The following MDN1 variants were observed in gnomAD, a reference collection of about 807,000 sequenced individuals.
MDN1 encodes midasin AAA ATPase 1.
A neutral mutation model predicts 669.2 loss-of-function variants in MDN1; 266 were observed. The observed-to-expected ratio is 0.40, with a 90% CI of 0.36 to 0.44. The LOEUF is 0.44. Ranked by LOEUF, MDN1 falls within the 20% of genes least tolerant of loss-of-function variation. The pLI, the probability that MDN1 is intolerant of heterozygous loss-of-function variation, is 1.00. For synonymous variants in MDN1, 2,385 were observed against 2,457.1 expected (o/e 0.97, Z 0.87); for missense variants, 5,940 against 6,754.0 (o/e 0.88, Z 4.22).
At position 89,710,732 on chromosome 6, in the gene MDN1, G is replaced by T; in HGVS notation, c.7714C>A (p.Leu2572Ile). 1 of 1,602,828 alleles carries T rather than the reference G, an allele frequency of 6.2e-7. No individual in the cohort carries two copies. The highest frequency in any genetic ancestry group is 8.5e-7 in the Non-Finnish European group (1 of 1,175,898). The change falls in exon 50 of 102, where the codon CTC becomes ATC. Residue 2572 changes from leucine to isoleucine, a missense_variant. Physicochemically the swap from Leu to Ile is conservative, Grantham distance 5 (BLOSUM62 2). Coordinates refer to ENST00000369393, the MANE Select transcript of MDN1 (RefSeq NM_014611.3). ...AAAACATTACTGACTGCACCTGAGA[G>T]GGAATGTGAGTAAAAATTCCTGAGA... ...ASLRNFYSHS[L>I]SGAVSNVFKI... is the part of the protein sequence containing the mutation.
chr6:89,683,731 CTT>C (rs1460645307), intron 72 of MDN1, 98 bp downstream of exon 72: 1 of 869,330 alleles, frequency 1.2e-6, no homozygotes, highest in Non-Finnish European at 1.9e-6. Flanking sequence ...GTTTAACACA[CTT>C]AATATTAAGT....
rs1003296125 is a variant in MDN1, at chr6:89,712,328, A to T, written c.7431-72T>A. 4 of 1,357,094 alleles carry T rather than the reference A, an allele frequency of 2.9e-6. No individual in the cohort carries two copies. In the African/African-American group the frequency reaches 5.8e-5, roughly 20 times the overall value. 84.1% of individuals were successfully genotyped at this position (1,357,094 alleles called of 1,614,324 possible). A position where few individuals can be genotyped will look rare whatever the true frequency, so the allele number is the denominator to read the frequency against. On this transcript the variant is annotated intron_variant, in intron 48 of 101. Transcript: ENST00000369393. ...ATTTCACATTCCAAATAACTGAGAA[A>T]ACCTCTTTCACAAATATTGGATCAA...
chr6:89,793,633 C>A, intron 5 of MDN1, 129 bp downstream of exon 5: 1 of 679,250 alleles, frequency 1.5e-6, no homozygotes, highest in Non-Finnish European at 2.3e-6. Flanking sequence ...TTTTAACTTC[C>A]AAAAATGAAG....
chr6:89,744,865 G>C (rs551438319), intron 29 of MDN1, among the ~76,000 whole-genome samples: 26 of 152,036 alleles, frequency 1.7e-4, no homozygotes, highest in Non-Finnish European at 1.6e-4. Flanking sequence ...CTGGACAACA[G>C]AGTGAGACCC....
chr6:89,675,037 TG>T (rs1217472795), intron 78 of MDN1, among the ~76,000 whole-genome samples: 1 of 152,268 alleles, frequency 6.6e-6, no homozygotes, highest in Non-Finnish European at 1.5e-5. Flanking sequence ...GATTGCCATC[TG>T]GGGGATCCCC....
At chr6:89,726,482 G>GAA (rs201576721) in intron 37 of MDN1, among the ~76,000 whole-genome samples, 1 of 90,954 alleles carries the variant, frequency 1.1e-5, no homozygotes, top group Non-Finnish European at 2.3e-5. Context: ...AAGAAAAATA[G>GAA]AAAAAAAAAA....
chr6:89,653,121 AAC>A lies in MDN1; in HGVS notation c.15694_15695del (p.Val5232Ter). On this transcript the variant is annotated frameshift_variant, in exon 94 of 102. Transcript: ENST00000369393. LOFTEE classifies it high-confidence loss of function. ...FDEMEVEIQT[V>X]KTEEDQDPRT... Reference sequence around the variant, plus strand: ...TGGGGTCTTGGTCTTCCTCTGTTTTAACAGTTTGGATCTCCACTTCCATCTCA... The same window carrying A: ...TGGGGTCTTGGTCTTCCTCTGTTTTAAGTTTGGATCTCCACTTCCATCTCA... 6.2e-7 allele frequency: 1 copy of A among 1,613,520 alleles called. No individual in the cohort carries two copies. The highest frequency in any genetic ancestry group is 8.5e-7 in the Non-Finnish European group (1 of 1,179,882).
At chr6:89,780,430 A>C in intron 10 of MDN1, 137 bp from the exon 11 acceptor site, 1 of 468,364 alleles carries the variant, frequency 2.1e-6, no homozygotes. Flanking sequence ...ATGCTTAGAT[A>C]AAAGGTATTT....
chr6:89,732,731 T>C lies in MDN1; in HGVS notation c.4768A>G (p.Thr1590Ala). The C allele has an allele frequency of 6.2e-7, 1 of 1,613,976 alleles. No individual in the cohort carries two copies. ...EVMLDFIDWL[T>A]HQEFGRKCVV... Reference sequence around the variant, plus strand: ...CACTTTCTGCCAAACTCTTGGTGGGTCAGCCAGTCAATGAAATCCAGCATC... The same window carrying C: ...CACTTTCTGCCAAACTCTTGGTGGGCCAGCCAGTCAATGAAATCCAGCATC... Residue 1590 changes from threonine (T) to alanine (A), a missense_variant, in exon 34 of 102, where the codon ACC becomes GCC. Around this residue, in one of 5 missense-constraint regions of MDN1, gnomAD observed 2,292 missense variants for 2,638.3 expected, o/e 0.87. Coordinates refer to ENST00000369393, the MANE Select transcript of MDN1 (RefSeq NM_014611.3).
At position 89,775,986 on chromosome 6, in the gene MDN1, G is replaced by C. The variant is rs189047623; in HGVS notation, c.1821+614C>G. On this transcript the variant is annotated intron_variant, in intron 12 of 101. Transcript: ENST00000369393. ...TTACAGGTGTGAGCCACCACACTCAGTCTCTTGCCAATTTTTCTAATAAGG... is the reference window on the plus strand; with the variant it reads ...TTACAGGTGTGAGCCACCACACTCACTCTCTTGCCAATTTTTCTAATAAGG... 6.6e-5 allele frequency among the ~76,000 whole-genome samples: 10 copies of C among 152,144 alleles called. No homozygotes were observed. The East Asian group carries it at 1.9e-3, about 29-fold the overall frequency.
At chr6:89,768,629 C>T (rs180875199) in intron 15 of MDN1, among the ~76,000 whole-genome samples, 6 of 152,008 alleles carry the variant, frequency 3.9e-5, no homozygotes, top group East Asian at 3.9e-4. Context: ...CCCAGTTACT[C>T]GGGAGGCTGA....
intron 50 of MDN1, among the ~76,000 whole-genome samples, chr6:89,708,980 TAA>T (rs369443893): frequency 2.8e-5 from 4 of 144,638 alleles, no homozygotes; most frequent in Non-Finnish European, 3.0e-5. Flanking sequence ...ACCATTAGCT[TAA>T]AAAAAAAAAA....
intron 2 of MDN1, chr6:89,797,689 C>A: frequency 2.1e-6 from 1 of 473,404 alleles, no homozygotes; most frequent in East Asian, 6.1e-5. Flanking sequence ...CTACCAAAAT[C>A]TGCCTTCAGT....
chr6:89,689,887 T>A lies in MDN1; in HGVS notation c.11006A>T (p.His3669Leu). 6.2e-7 allele frequency: 1 copy of A among 1,614,052 alleles called. No individual in the cohort carries two copies. Among genetic ancestry groups the A allele is most frequent in the Non-Finnish European group, 8.5e-7 (1 of 1,180,012 alleles). The stretch of plus-strand genomic sequence containing the variant: ...TACCATACCCATCAGGGGGTAGAAG[T>A]GTGTCACAAGCGATGCCCCAGTCTG... ...CYQTGASLVT[H>L]FYPLMGVELN... Residue 3669 changes from histidine to leucine, a missense_variant, in exon 65 of 102, where the codon CAC becomes CTC. Physicochemically the swap from His to Leu is moderately conservative, Grantham distance 99. Transcript: ENST00000369393.
intron 46 of MDN1, among the ~76,000 whole-genome samples, chr6:89,713,558 G>T (rs533681416): frequency 6.6e-6 from 1 of 152,092 alleles, no homozygotes; most frequent in Non-Finnish European, 1.5e-5. Context: ...ATAAAGTCTG[G>T]TCACATATAT....
At chr6:89,747,087 G>A (rs1217838902) in intron 27 of MDN1, among the ~76,000 whole-genome samples, 1 of 152,058 alleles carries the variant, frequency 6.6e-6, no homozygotes, top group Non-Finnish European at 1.5e-5. Context: ...TCCATATCCT[G>A]ACTCCCACAT....
rs182473235 is a variant in MDN1, at chr6:89,769,438, T to A, written c.2144+2123A>T. On this transcript the variant is annotated intron_variant, in intron 15 of 101. Coordinates refer to ENST00000369393, the MANE Select transcript of MDN1 (RefSeq NM_014611.3). ...GGCTCGGTGGCTCATGTCTGTAATC[T>A]CAACACTTCAGGAGGCTGAAGCAGG... Among the ~76,000 whole-genome samples the A allele has an allele frequency of 1.2e-4, 18 of 152,192 alleles. No individual in the cohort carries two copies. In the East Asian group the frequency reaches 3.1e-3, roughly 26 times the overall value.
rs199973520 is a variant in MDN1 at position 89,668,058 on chromosome 6, C to T, written c.14050G>A (p.Glu4684Lys). Residue 4684 changes from glutamate to lysine, a missense_variant, in exon 84 of 102, where the codon GAG becomes AAG. Physicochemically the swap from Glu to Lys is moderately conservative, Grantham distance 56. Coordinates refer to ENST00000369393, the MANE Select transcript of MDN1 (RefSeq NM_014611.3). ...DYEGGGIGEGEGMKDVSDQIG... is the reference protein window; with the variant it reads ...DYEGGGIGEGKGMKDVSDQIG... ...TGGTCACTCACATCCTTCATGCCCTCGCCTTCTCCAATTCCACCTCCCTCA... is the reference window on the plus strand; with the variant it reads ...TGGTCACTCACATCCTTCATGCCCTTGCCTTCTCCAATTCCACCTCCCTCA... The T allele has an allele frequency of 3.0e-5, 48 of 1,614,144 alleles. No individual in the cohort carries two copies. In the Admixed American group the frequency reaches 5.5e-4, roughly 18 times the overall value.
rs1249534661 is a variant in MDN1 at position 89,643,994 on chromosome 6, T to C, written c.*11A>G. The C allele has an allele frequency of 1.3e-6, 2 of 1,594,176 alleles. No individual in the cohort carries two copies. The highest frequency in any genetic ancestry group is 4.5e-5 in the East Asian group (2 of 44,600). On this transcript the variant is annotated 3_prime_UTR_variant, in exon 102 of 102. Coordinates refer to ENST00000369393, the MANE Select transcript of MDN1 (RefSeq NM_014611.3). Reference sequence around the variant, plus strand: ...CACAGTTAAGTCTCACTTTGGACTCTTCTTTCTGTTCTATGGGTGGTCAGA... The same window carrying C: ...CACAGTTAAGTCTCACTTTGGACTCCTCTTTCTGTTCTATGGGTGGTCAGA...
Sources: gnomAD v4.1 joint callset for allele counts (sites outside exome capture counted in the v4.1 genomes callset) on GRCh38, gnomAD v4.1.1 for gene constraint, gnomAD v4.1.1 regional missense constraint, MANE v1.5 for transcripts, NCBI Gene and HGNC (gene_info 2026-07-23, HGNC 2026-07-21) for gene names.